Variants in HECTD4 observed in about 807,000 individuals in gnomAD.
HECTD4 encodes HECT domain E3 ubiquitin protein ligase 4, also known as probable E3 ubiquitin-protein ligase HECTD4.
HECTD4 carries 114 observed loss-of-function variants against 471.5 expected under a neutral mutation model. The ratio of observed to expected loss-of-function variants is 0.24; its 90% CI spans 0.21 to 0.28. The LOEUF (loss-of-function observed/expected upper bound fraction) is 0.28. Ranked by LOEUF, HECTD4 falls within the 10% of genes least tolerant of loss-of-function variation. The pLI, the probability that HECTD4 is intolerant of heterozygous loss-of-function variation, is 1.00. For synonymous variants in HECTD4, 2,012 were observed against 2,256.0 expected (o/e 0.89, Z 3.07); for missense variants, 3,866 against 5,651.5 (o/e 0.68, Z 10.13).
At chr12:112,263,171 CTTAAA>C (rs1319892983) in intron 17 of HECTD4, among the ~76,000 whole-genome samples, 1 of 152,124 alleles carries the variant, frequency 6.6e-6, no homozygotes, top group Non-Finnish European at 1.5e-5. Context: ...TTATCAACAA[CTTAAA>C]TTAAAAGTGC....
chr12:112,306,971 C>T (rs2035282253), intron 6 of HECTD4, among the ~76,000 whole-genome samples: 2 of 152,096 alleles, frequency 1.3e-5, no homozygotes, highest in African/African-American at 2.4e-5. Flanking sequence ...CATCATTTCA[C>T]ATTAAATGTG....
chr12:112,270,317 T>C lies in HECTD4; in HGVS notation c.2085A>G (p.Ala695=). Residue 695 remains alanine (A), a synonymous_variant, in exon 12 of 76, where the codon GCA becomes GCG. Transcript: ENST00000682272. ...TGTCACAAATACTGCTAAGATGATGTGCTTCAATTGGATGCTGCTTGCCCA... is the reference window on the plus strand; with the variant it reads ...TGTCACAAATACTGCTAAGATGATGCGCTTCAATTGGATGCTGCTTGCCCA... The part of the protein sequence containing the change: ...SVLGKQHPIE[A]HHLSSICDIM... The C allele has an allele frequency of 1.2e-6, 2 of 1,614,082 alleles. No individual in the cohort carries two copies. Among genetic ancestry groups the C allele is most frequent in the South Asian group, 2.2e-5 (2 of 91,084 alleles).
At chr12:112,242,699 T>G (rs1407309147) in intron 32 of HECTD4, among the ~76,000 whole-genome samples, 6 of 148,020 alleles carry the variant, frequency 4.1e-5, no homozygotes, top group Non-Finnish European at 8.9e-5. Context: ...TCACCTGAGG[T>G]CGGGAGTTTG....
intron 1 of HECTD4, among the ~76,000 whole-genome samples, chr12:112,369,268 G>C (rs2036623903): frequency 6.6e-6 from 1 of 151,838 alleles, no homozygotes; most frequent in South Asian, 2.1e-4. Flanking sequence ...GCATTTCTAG[G>C]TACCCAATTA....
At chr12:112,187,826 C>T (rs887308099) in intron 60 of HECTD4, among the ~76,000 whole-genome samples, 1 of 148,272 alleles carries the variant, frequency 6.7e-6, no homozygotes, top group Non-Finnish European at 1.5e-5. Context: ...CACGGTTTCA[C>T]TGTGTTAGCC....
intron 1 of HECTD4, among the ~76,000 whole-genome samples, chr12:112,329,943 C>T (rs2035814472): frequency 6.6e-6 from 1 of 152,008 alleles, no homozygotes; most frequent in Non-Finnish European, 1.5e-5. Flanking sequence ...GAGACCCCAT[C>T]TCTACTTTTT....
intron 53 of HECTD4, 143 bp downstream of exon 53, chr12:112,204,343 T>C (rs2032515228): frequency 1.3e-6 from 1 of 791,340 alleles, no homozygotes; most frequent in South Asian, 1.7e-5. Context: ...GGGCTTCACA[T>C]GGGGCGGTGT....
intron 2 of HECTD4, among the ~76,000 whole-genome samples, chr12:112,316,422 T>C (rs2035480478): frequency 6.6e-6 from 1 of 152,164 alleles, no homozygotes; most frequent in African/African-American, 2.4e-5. Context: ...GTTACCTATA[T>C]TTGTTGCTCA....
rs928895978 is a variant in HECTD4 at position 112,173,620 on chromosome 12, T to C, written c.11595-759A>G. On this transcript the variant is annotated intron_variant, in intron 66 of 75. Transcript: ENST00000682272. The surrounding 1 kb of genome is among the most constrained non-coding windows in gnomAD (Gnocchi z 4.3). ...CGTGTTAGCCAGGATGGTCTCAATC[T>C]CCTGACCTTGTGATCCGCCCGCCTC... Among the ~76,000 whole-genome samples the C allele has an allele frequency of 6.6e-6, 1 of 151,766 alleles. No homozygotes were observed. Among genetic ancestry groups the C allele is most frequent in the Non-Finnish European group, 1.5e-5 (1 of 67,938 alleles).
intron 7 of HECTD4, 131 bp downstream of exon 7, chr12:112,305,933 A>G: frequency 1.3e-6 from 1 of 757,328 alleles, no homozygotes; most frequent in Non-Finnish European, 1.9e-6. Context: ...TCTAAGAGAA[A>G]AATCAATTTT....
chr12:112,184,766 C>A lies in HECTD4; in HGVS notation c.10200G>T (p.Val3400=), dbSNP rs781049447. ...CCAGGTGGGTGGGGATCCCGGAGATCACCAGCAAGCGGCTGTGGGCGGTGG... is the reference window on the plus strand; with the variant it reads ...CCAGGTGGGTGGGGATCCCGGAGATAACCAGCAAGCGGCTGTGGGCGGTGG... The part of the protein sequence containing the change: ...VGPTAHSRLL[V]ISGIPTHLDE... The change falls in exon 61 of 76, where the codon GTG becomes GTT. Residue 3400 remains valine, a synonymous_variant. Transcript: ENST00000682272. This position sits in a 1 kb window ranked among gnomAD's most constrained non-coding sequence, Gnocchi z 9.1. 3 of 1,611,494 alleles carry A rather than the reference C, an allele frequency of 1.9e-6. No homozygotes were observed. The African/African-American group carries it at 4.0e-5, about 21-fold the overall frequency.
At chr12:112,303,200 T>C (rs909848392) in intron 7 of HECTD4, among the ~76,000 whole-genome samples, 2 of 152,180 alleles carry the variant, frequency 1.3e-5, no homozygotes, top group African/African-American at 4.8e-5. Context: ...AGCATCTGAA[T>C]GCAAATGTGT....
At position 112,176,684 on chromosome 12, in the gene HECTD4, C is replaced by G; in HGVS notation, c.11382G>C (p.Glu3794Asp). 1 of 1,613,820 alleles carries G rather than the reference C, an allele frequency of 6.2e-7. No individual in the cohort carries two copies. The highest frequency in any genetic ancestry group is 8.5e-7 in the Non-Finnish European group (1 of 1,179,726). ...LNSVSRTALS[E>D]KKPTVKPKSP... ...ATTTTGGCTTCACAGTTGGCTTCTT[C>G]TCACTTAAGGCAGTCCTGCTGTAGA... Residue 3794 changes from glutamate to aspartate, a missense_variant, in exon 65 of 76, where the codon GAG (glutamate) becomes GAC (aspartate). By Grantham distance (45) the Glu-to-Asp change is conservative. This residue lies in a region of HECTD4 where 715 missense variants were observed against 1,087.6 expected (regional missense o/e 0.66). Coordinates refer to ENST00000682272, the MANE Select transcript of HECTD4 (RefSeq NM_001388303.1).
chr12:112,208,423 A>C (rs2032659663), intron 51 of HECTD4, 71 bp downstream of exon 51: 1 of 1,427,990 alleles, frequency 7.0e-7, no homozygotes, highest in East Asian at 2.4e-5. Context: ...TCACTCCTCC[A>C]GGCTTGTCCT....
Position 112,254,142 on chromosome 12 carries a change from A to G in HECTD4, c.3348T>C (p.Pro1116=). 1 of 1,613,976 alleles carries G rather than the reference A, an allele frequency of 6.2e-7. No homozygotes were observed. Among genetic ancestry groups the G allele is most frequent in the Admixed American group, 1.7e-5 (1 of 60,016 alleles). Residue 1116 remains proline (P), a synonymous_variant, in exon 22 of 76, where the codon CCT becomes CCC. Transcript: ENST00000682272. The part of the protein sequence containing the change: ...DYDKLVIYAG[P]NTNSRKVAEY... ...CAGCAACCTTCCTACTGTTTGTGTT[A>G]GGCCCCGCATATATCACCAACTTCA...
intron 45 of HECTD4, among the ~76,000 whole-genome samples, chr12:112,218,348 C>T (rs932654888): frequency 6.6e-6 from 1 of 152,086 alleles, no homozygotes; most frequent in South Asian, 2.1e-4. Flanking sequence ...ACATTTTTGT[C>T]CCTACTGAAG....
At position 112,248,491 on chromosome 12, in the gene HECTD4, C is replaced by G; in HGVS notation, c.3972G>C (p.Val1324=). Residue 1324 remains valine (V), a synonymous_variant, in exon 26 of 76, where the codon GTG becomes GTC. Transcript: ENST00000682272. ...PSIKEVIQPD[V]MEEMVVSCVI... is the part of the protein sequence containing the mutation. ...CACAAGATACCACCATTTCCTCCAT[C>G]ACGTCTGGCTGAATCACTTCTCTGT... 2 of 1,607,196 alleles carry G rather than the reference C, an allele frequency of 1.2e-6. No homozygotes were observed. The highest frequency in any genetic ancestry group is 1.7e-6 in the Non-Finnish European group (2 of 1,177,114).
chr12:112,258,411 A>G, intron 20 of HECTD4, 85 bp downstream of exon 20: 2 of 955,708 alleles, frequency 2.1e-6, no homozygotes, highest in Non-Finnish European at 3.0e-6. Flanking sequence ...AATCCTTGCT[A>G]AAAATCATTT....
At position 112,207,956 on chromosome 12, in the gene HECTD4, A is replaced by G. The variant is rs1259862569; in HGVS notation, c.8049T>C (p.Val2683=). 1.2e-6 allele frequency: 2 copies of G among 1,613,718 alleles called. No homozygotes were observed. The highest frequency in any genetic ancestry group is 2.2e-5 in the South Asian group (2 of 91,030). ...ALLVKAWETK[V]FPTIRRRFRN... ...GGAAGCGTCTTCGGATGGTAGGAAA[A>G]ACCTTGGTCTCCCATGCTTTCACCA... Residue 2683 remains valine, a synonymous_variant, in exon 52 of 76, where the codon GTT becomes GTC. Coordinates refer to ENST00000682272, the MANE Select transcript of HECTD4 (RefSeq NM_001388303.1).
Sources: gnomAD v4.1 joint callset for allele counts (sites outside exome capture counted in the v4.1 genomes callset) on GRCh38, gnomAD v4.1.1 for gene constraint, gnomAD v4.1.1 regional missense constraint, Gnocchi (gnomAD v3.1) non-coding constraint, MANE v1.5 for transcripts, NCBI Gene and HGNC (gene_info 2026-07-23, HGNC 2026-07-21) for gene names.